The following NEGR1 variants were observed in gnomAD, a reference collection of about 807,000 sequenced individuals.
NEGR1 encodes the protein IgLON family member 4.
A neutral mutation model predicts 40.9 loss-of-function variants in NEGR1; 10 were observed. The observed-to-expected ratio is 0.24, with a 90% CI of 0.15 to 0.42. The LOEUF (loss-of-function observed/expected upper bound fraction) is 0.42. NEGR1 is among the 10% of genes least tolerant of loss of function. The probability of loss-of-function intolerance (pLI) is 1.00; values close to 1 mark genes in which losing one functional copy is unlikely to be tolerated. For synonymous variants in NEGR1, 185 were observed against 166.8 expected (o/e 1.11, Z -0.84); for missense variants, 352 against 438.9 (o/e 0.80, Z 1.77).
intron 6 of NEGR1, among the ~76,000 whole-genome samples, chr1:71,554,509 T>G (rs1342942849): frequency 1.3e-5 from 2 of 151,472 alleles, no homozygotes; most frequent in African/African-American, 4.8e-5. Context: ...ATGAGACACT[T>G]AATTGTTCAA....
At chr1:72,231,173 A>G (rs1216183909) in intron 1 of NEGR1, among the ~76,000 whole-genome samples, 1 of 152,182 alleles carries the variant, frequency 6.6e-6, no homozygotes, top group Admixed American at 6.6e-5. Context: ...GTTTCACATC[A>G]ACTCCTTCAG....
At chr1:72,003,491 A>G (rs1570598271) in intron 1 of NEGR1, among the ~76,000 whole-genome samples, 1 of 152,182 alleles carries the variant, frequency 6.6e-6, no homozygotes, top group East Asian at 1.9e-4. Flanking sequence ...GTAAAATTAA[A>G]GACATTAACA....
At chr1:71,615,232 T>C (rs778582010) in intron 4 of NEGR1, among the ~76,000 whole-genome samples, 2 of 152,214 alleles carry the variant, frequency 1.3e-5, no homozygotes, top group Non-Finnish European at 2.9e-5. Flanking sequence ...CATCCATTTA[T>C]TTATTCTTTA....
chr1:71,584,533 T>C (rs1649238549), intron 6 of NEGR1, among the ~76,000 whole-genome samples: 1 of 152,132 alleles, frequency 6.6e-6, no homozygotes, highest in Non-Finnish European at 1.5e-5. Flanking sequence ...TTATTAGGGG[T>C]CACATTTCCA....
chr1:72,025,886 C>A (rs552363815), intron 1 of NEGR1, among the ~76,000 whole-genome samples: 1 of 151,432 alleles, frequency 6.6e-6, no homozygotes, highest in Non-Finnish European at 1.5e-5. Flanking sequence ...CCGAGGCGGG[C>A]GGATCACGAG....
chr1:71,888,574 G>A (rs534094144), intron 2 of NEGR1, among the ~76,000 whole-genome samples: 5 of 149,198 alleles, frequency 3.4e-5, no homozygotes, highest in East Asian at 4.1e-4. Flanking sequence ...CTACGCCCAC[G>A]GAATCTCGCT....
At chr1:71,614,068 C>T (rs1027054185) in intron 4 of NEGR1, among the ~76,000 whole-genome samples, 1 of 151,968 alleles carries the variant, frequency 6.6e-6, no homozygotes, top group Non-Finnish European at 1.5e-5. Flanking sequence ...TATTGCACTT[C>T]TATTTCTCTG....
chr1:71,979,100 C>A lies in NEGR1; in HGVS notation c.177-43789G>T, dbSNP rs535052681. Among the ~76,000 whole-genome samples the A allele has an allele frequency of 2.0e-5, 3 of 152,190 alleles. No homozygotes were observed. In the South Asian group the frequency reaches 6.2e-4, roughly 32 times the overall value. ...GAGGCCATCATCCTTAGCAAACTAA[C>A]ACAGAAATAGAAAACAAATACTGCA... On this transcript the variant is annotated intron_variant, in intron 1 of 6. Coordinates refer to ENST00000357731, the MANE Select transcript of NEGR1 (RefSeq NM_173808.3).
chr1:71,550,353 C>A (rs1213055172), intron 6 of NEGR1, among the ~76,000 whole-genome samples: 2 of 151,516 alleles, frequency 1.3e-5, no homozygotes, highest in Non-Finnish European at 1.5e-5. Context: ...GAGTACCTTC[C>A]CTTATTAGGT....
At chr1:72,176,819 C>T (rs1240648556) in intron 1 of NEGR1, among the ~76,000 whole-genome samples, 2 of 151,900 alleles carry the variant, frequency 1.3e-5, no homozygotes, top group Non-Finnish European at 1.5e-5. Flanking sequence ...GAGATCAATG[C>T]CCGGTTTTAA....
rs143137146 is a variant in NEGR1 at position 71,525,440 on chromosome 1, A to T, written c.940+67377T>A. ...ACTTGCAATAATCAATGCTTATTTG[A>T]CTTAAAATCTAAATTATAAAGATAG... On this transcript the variant is annotated intron_variant, in intron 6 of 6. Coordinates refer to ENST00000357731, the MANE Select transcript of NEGR1 (RefSeq NM_173808.3). 8.1e-3 allele frequency among the ~76,000 whole-genome samples: 1,233 copies of T among 151,762 alleles called. 72 individuals are homozygous for T. The highest frequency in any genetic ancestry group is 0.07 in the Admixed American group (1,060 of 15,186).
At chr1:72,023,865 T>C (rs1366179699) in intron 1 of NEGR1, among the ~76,000 whole-genome samples, 1 of 152,124 alleles carries the variant, frequency 6.6e-6, no homozygotes, top group African/African-American at 2.4e-5. Context: ...CAAATTATGC[T>C]ATGCTCTCCT....
intron 4 of NEGR1, among the ~76,000 whole-genome samples, chr1:71,671,893 C>CTTTTTTTTT (rs10708807): frequency 8.2e-6 from 1 of 121,584 alleles, no homozygotes. Flanking sequence ...CTCTCTCTCT[C>CTTTTTTTTT]TTTTTTTTTT....
At chr1:71,440,209 A>T (rs977750028) in intron 6 of NEGR1, among the ~76,000 whole-genome samples, 1 of 152,220 alleles carries the variant, frequency 6.6e-6, no homozygotes, top group Non-Finnish European at 1.5e-5. Flanking sequence ...AAATCAGTAC[A>T]TTTTGTTAGT....
intron 1 of NEGR1, among the ~76,000 whole-genome samples, chr1:72,161,840 C>A (rs2100376408): frequency 6.6e-6 from 1 of 151,570 alleles, no homozygotes; most frequent in South Asian, 2.1e-4. Flanking sequence ...GCATGCCTGG[C>A]TAATTTTTGT....
At chr1:71,491,078 T>G (rs1022208004) in intron 6 of NEGR1, among the ~76,000 whole-genome samples, 3 of 152,008 alleles carry the variant, frequency 2.0e-5, no homozygotes, top group African/African-American at 7.2e-5. Context: ...TCTTGGGTTC[T>G]GAGTCTATAG....
intron 2 of NEGR1, among the ~76,000 whole-genome samples, chr1:71,780,142 C>T (rs1640075916): frequency 6.7e-6 from 1 of 148,264 alleles, no homozygotes; most frequent in Non-Finnish European, 1.5e-5. Context: ...GATCTTATTT[C>T]AGACTCCCTC....
chr1:71,827,715 C>CT (rs1658685517), intron 2 of NEGR1, among the ~76,000 whole-genome samples: 1 of 151,672 alleles, frequency 6.6e-6, no homozygotes, highest in African/African-American at 2.4e-5. Flanking sequence ...AGAATTTTTG[C>CT]TTTTTTGTTT....
intron 2 of NEGR1, among the ~76,000 whole-genome samples, chr1:71,870,845 G>A (rs554465963): frequency 6.6e-6 from 1 of 152,220 alleles, no homozygotes; most frequent in African/African-American, 2.4e-5. Flanking sequence ...ACCTGAAGGG[G>A]TGAATGTTCA....
Sources: allele counts gnomAD v4.1 joint callset (sites outside exome capture counted in the v4.1 genomes callset), GRCh38; gene constraint gnomAD v4.1.1; transcripts MANE v1.5; gene names NCBI Gene and HGNC (gene_info 2026-07-23, HGNC 2026-07-21).